The following SHPRH variants were observed in gnomAD, a reference collection of about 807,000 sequenced individuals.
SHPRH encodes the protein E3 ubiquitin-protein ligase SHPRH.
A neutral mutation model predicts 202.5 loss-of-function variants in SHPRH; 106 were observed. The ratio of observed to expected loss-of-function variants is 0.52; its 90% CI spans 0.45 to 0.62. SHPRH has a LOEUF of 0.62. SHPRH is among the 20% of genes least tolerant of loss of function. SHPRH has a pLI of 0.00. For synonymous variants in SHPRH, 729 were observed against 686.0 expected, an observed-to-expected ratio of 1.06 and a Z score of -0.98; for missense variants, 1,710 against 2,020.0, an observed-to-expected ratio of 0.85 and a Z score of 2.94.
At chr6:145,915,494 T>A (rs1783869091) in intron 23 of SHPRH, among the ~76,000 whole-genome samples, 2 of 151,976 alleles carry the variant, frequency 1.3e-5, no homozygotes, top group Admixed American at 1.3e-4. Context: ...TTCTTCCAGT[T>A]TATGTTTGTC....
At chr6:145,899,326 T>C (rs551194348) in intron 25 of SHPRH, among the ~76,000 whole-genome samples, 2 of 152,120 alleles carry the variant, frequency 1.3e-5, no homozygotes, top group East Asian at 3.9e-4. Flanking sequence ...AATAGTACGC[T>C]ACTGAAATAA....
At chr6:145,918,255 C>A in intron 22 of SHPRH, 23 bp from the exon 23 acceptor site, 1 of 1,402,506 alleles carries the variant, frequency 7.1e-7, no homozygotes, top group South Asian at 1.5e-5. Flanking sequence ...AAAATAAAAA[C>A]TTCTTTATTC....
intron 13 of SHPRH, among the ~76,000 whole-genome samples, chr6:145,934,238 G>A (rs1333405849): frequency 6.6e-6 from 1 of 151,978 alleles, no homozygotes; most frequent in Non-Finnish European, 1.5e-5. Context: ...AGGCTGAGAG[G>A]GGTGGATTAC....
downstream of SHPRH, among the ~76,000 whole-genome samples, chr6:145,859,740 G>T (rs946231967): frequency 2.0e-5 from 3 of 151,998 alleles, no homozygotes; most frequent in East Asian, 5.8e-4. Flanking sequence ...TGAAGCTGTT[G>T]TAACAATACC....
At chr6:145,914,701 C>T (rs1783795836) in intron 23 of SHPRH, among the ~76,000 whole-genome samples, 1 of 152,070 alleles carries the variant, frequency 6.6e-6, no homozygotes, top group Admixed American at 6.6e-5. Flanking sequence ...TTTCTAATTT[C>T]CATTTTGACT....
chr6:145,926,083 A>C, intron 16 of SHPRH, 121 bp downstream of exon 16: 1 of 936,810 alleles, frequency 1.1e-6, no homozygotes, highest in Non-Finnish European at 1.6e-6. Context: ...GAAACATCAA[A>C]GTAACAGGAA....
intron 24 of SHPRH, among the ~76,000 whole-genome samples, chr6:145,913,045 G>A (rs1783637997): frequency 6.6e-6 from 1 of 152,016 alleles, no homozygotes; most frequent in Non-Finnish European, 1.5e-5. Flanking sequence ...TTTGTACTCT[G>A]AAGAACAAGT....
chr6:145,899,871 C>T (rs185079845), intron 25 of SHPRH, among the ~76,000 whole-genome samples: 2 of 152,110 alleles, frequency 1.3e-5, no homozygotes, highest in Non-Finnish European at 2.9e-5. Flanking sequence ...CAAAAGAAGA[C>T]ATACAAATAG....
intron 2 of SHPRH, among the ~76,000 whole-genome samples, chr6:145,873,678 C>A (rs1290098748): frequency 1.7e-5 from 2 of 115,512 alleles, no homozygotes; most frequent in African/African-American, 6.9e-5. Flanking sequence ...TTTAGTGTCT[C>A]AGTAACAGTT....
At chr6:145,945,333 G>A (rs747737482) in intron 8 of SHPRH, 48 bp downstream of exon 8, 13 of 1,548,234 alleles carry the variant, frequency 8.4e-6, no homozygotes, top group Non-Finnish European at 1.1e-5. Flanking sequence ...ACTCAGTAAG[G>A]TATCACATAC....
At chr6:145,930,743 G>A (rs557367869) in intron 14 of SHPRH, among the ~76,000 whole-genome samples, 20 of 152,220 alleles carry the variant, frequency 1.3e-4, no homozygotes, top group African/African-American at 3.9e-4. Context: ...GGTTGACAGC[G>A]GTGTTTGAAC....
chr6:145,895,370 T>C (rs1781924426), intron 25 of SHPRH, among the ~76,000 whole-genome samples: 2 of 152,032 alleles, frequency 1.3e-5, no homozygotes. Context: ...ATTAGAAATG[T>C]TAAGAATACA....
At chr6:145,859,801 G>A (rs1264332900), downstream of SHPRH, among the ~76,000 whole-genome samples, 1 of 151,994 alleles carries the variant, frequency 6.6e-6, no homozygotes, top group Non-Finnish European at 1.5e-5. Context: ...GTAGCAGAAT[G>A]TGTTGGAATG....
At chr6:145,904,171 G>A (rs1782744955) in intron 25 of SHPRH, 1 of 152,008 alleles carries the variant, frequency 6.6e-6, no homozygotes, top group South Asian at 2.1e-4. Context: ...AAAGCTATAT[G>A]ATTAAGCATT....
chr6:145,924,960 A>C (rs1034116604), intron 16 of SHPRH, 114 bp from the exon 17 acceptor site: 2 of 728,600 alleles, frequency 2.7e-6, no homozygotes, highest in Non-Finnish European at 4.3e-6. Context: ...ACTGCATTTA[A>C]ACATAAAAGT....
chr6:145,935,079 C>A lies in SHPRH; in HGVS notation c.2818G>T (p.Val940Leu). ...TTTACCACCACATCCTGGCAGCACA[C>A]CTCATGCTGACGGTGATAGAAATGC... The part of the protein sequence containing the change: ...ERHFYHRQHE[V>L]CCQDVVVKLR... The change falls in exon 13 of 30, where the codon GTG becomes TTG. Residue 940 changes from valine (V) to leucine (L), a missense_variant. By Grantham distance (32) the Val-to-Leu change is conservative. Coordinates refer to ENST00000275233, the MANE Select transcript of SHPRH (RefSeq NM_001042683.3). The A allele has an allele frequency of 1.2e-6, 2 of 1,613,784 alleles. No individual in the cohort carries two copies. The highest frequency in any genetic ancestry group is 1.7e-6 in the Non-Finnish European group (2 of 1,179,952).
At position 145,935,327 on chromosome 6, in the gene SHPRH, A is replaced by C. The variant is rs2128768468; in HGVS notation, c.2684T>G (p.Phe895Cys). Residue 895 changes from phenylalanine (F) to cysteine (C), a missense_variant, in exon 12 of 30, where the codon TTT becomes TGT. Physicochemically the swap from Phe to Cys is radical, Grantham distance 205. Transcript: ENST00000275233. ...AGACCTCCACAGTATCTTGGCAATA[A>C]AGCTGTAGAGATGCTGAGGATTCTT... ...CKKNPQHLYS[F>C]IAKILWRSAK... 2 of 1,614,118 alleles carry C rather than the reference A, an allele frequency of 1.2e-6. No individual in the cohort carries two copies. Among genetic ancestry groups the C allele is most frequent in the South Asian group, 1.1e-5 (1 of 91,082 alleles).
chr6:145,911,392 G>A (rs955108691), intron 24 of SHPRH, among the ~76,000 whole-genome samples: 1 of 151,930 alleles, frequency 6.6e-6, no homozygotes, highest in Non-Finnish European at 1.5e-5. Flanking sequence ...CTTCGGCCTG[G>A]GATTACAGGT....
rs1784404652 is a variant in SHPRH at position 145,921,209 on chromosome 6, G to C, written c.3966C>G (p.Ser1322Arg). ...ATGCTTCAAAGAGATCCATTGAAGT[G>C]CTTCCTTCATCAACAAATTCAACAT... Reference protein sequence around the residue: ...RFDVEFVDEGSTSMDLFEAWK... With the variant: ...RFDVEFVDEGRTSMDLFEAWK... Residue 1322 changes from serine to arginine, a missense_variant, in exon 21 of 30, where the codon AGC (serine) becomes AGG (arginine). Ser to Arg is a moderately radical substitution (Grantham distance 110). Transcript: ENST00000275233. 3.1e-6 allele frequency: 5 copies of C among 1,612,572 alleles called. No individual in the cohort carries two copies. The highest frequency in any genetic ancestry group is 4.2e-6 in the Non-Finnish European group (5 of 1,179,152).
Sources: allele counts gnomAD v4.1 joint callset (sites outside exome capture counted in the v4.1 genomes callset), GRCh38; gene constraint gnomAD v4.1.1; transcripts MANE v1.5; gene names NCBI Gene and HGNC (gene_info 2026-07-23, HGNC 2026-07-21).